Variants in HDAC9 observed in about 807,000 individuals in gnomAD.
HDAC9 encodes the protein MEF-2 interacting transcription repressor (MITR) protein.
A neutral mutation model predicts 139.4 loss-of-function variants in HDAC9; 41 were observed. That is an observed-to-expected ratio of 0.29 (90% confidence interval 0.23 to 0.38). The LOEUF (loss-of-function observed/expected upper bound fraction) is 0.38. Among genes scored for constraint, HDAC9 ranks in the 10% least tolerant of loss-of-function variants. HDAC9 has a pLI of 1.00. For missense variants in HDAC9, 1,147 were observed against 1,297.0 expected (o/e 0.88, Z 1.78); for synonymous variants, 517 against 476.2 (o/e 1.09, Z -1.12).
intron 22 of HDAC9, among the ~76,000 whole-genome samples, chr7:18,921,851 G>A (rs1803765312): frequency 1.3e-5 from 2 of 152,058 alleles, no homozygotes; most frequent in South Asian, 4.1e-4. Flanking sequence ...ATGATAGACT[G>A]GATTAAGAAA....
intron 1 of HDAC9, among the ~76,000 whole-genome samples, chr7:18,478,165 G>T (rs1024570019): frequency 6.6e-6 from 1 of 151,794 alleles, no homozygotes; most frequent in Non-Finnish European, 1.5e-5. Context: ...TCCGCCTCCC[G>T]GGTTCACGCC....
chr7:18,529,194 AT>A lies in HDAC9; in HGVS notation c.22+32871del, dbSNP rs148700894. ...AAAATAACCAGAGAAGAAAAAAAAA[AT>A]CTTTTGAAAAATGGTCAAATGTCAT... is the stretch of plus-strand genomic sequence containing the variant. On this transcript the variant is annotated intron_variant, in intron 2 of 25. Coordinates refer to ENST00000686413, the MANE Select transcript of HDAC9 (RefSeq NM_178425.4). Among the ~76,000 whole-genome samples the A allele has an allele frequency of 9.7e-3, 1,471 of 152,268 alleles. 22 individuals are homozygous for A. Among genetic ancestry groups the A allele is most frequent in the African/African-American group, 0.033 (1,378 of 41,538 alleles).
At chr7:18,158,426 T>C (rs1200715368) in intron 1 of HDAC9, among the ~76,000 whole-genome samples, 1 of 152,168 alleles carries the variant, frequency 6.6e-6, no homozygotes, top group Non-Finnish European at 1.5e-5. Flanking sequence ...ATTACTGAAG[T>C]TGTAATGAGT....
At chr7:18,923,607 G>T (rs1171263862) in intron 22 of HDAC9, among the ~76,000 whole-genome samples, 1 of 151,976 alleles carries the variant, frequency 6.6e-6, no homozygotes, top group East Asian at 1.9e-4. Flanking sequence ...GATACCTTAA[G>T]TGTCTTGAAG....
At chr7:18,184,067 T>G (rs995897478) in intron 2 of HDAC9, among the ~76,000 whole-genome samples, 1 of 152,152 alleles carries the variant, frequency 6.6e-6, no homozygotes, top group African/African-American at 2.4e-5. Context: ...GTTTTTAGAT[T>G]TTGTATTTGT....
At chr7:18,209,822 T>C (rs540262879) in intron 2 of HDAC9, among the ~76,000 whole-genome samples, 1 of 152,126 alleles carries the variant, frequency 6.6e-6, no homozygotes, top group African/African-American at 2.4e-5. Context: ...TCCCTCAGCC[T>C]TCAGAGTAGC....
At chr7:18,807,326 A>T (rs1453148172) in intron 17 of HDAC9, among the ~76,000 whole-genome samples, 1 of 151,986 alleles carries the variant, frequency 6.6e-6, no homozygotes, top group African/African-American at 2.4e-5. Context: ...TTTGAGTCTG[A>T]TATCTTTTTT....
intron 11 of HDAC9, among the ~76,000 whole-genome samples, chr7:18,652,251 C>T (rs1458610291): frequency 3.3e-5 from 5 of 152,080 alleles, no homozygotes; most frequent in Non-Finnish European, 5.9e-5. Context: ...TTTGCCAGTA[C>T]ACCTTGCTTT....
chr7:18,186,382 C>T (rs925307764), intron 2 of HDAC9, among the ~76,000 whole-genome samples: 3 of 152,238 alleles, frequency 2.0e-5, no homozygotes, highest in Non-Finnish European at 2.9e-5. Flanking sequence ...GGAACAGGTG[C>T]ACTGCTGGTG....
In HDAC9 at chr7:19,001,541, G is replaced by C. The variant is rs1786748222; in HGVS notation, c.*5479G>C. ...ATTAACTTAAAATTCAACAGAAATG[G>C]AGTAATTAAAAAAAAAAACAAAAAA... On this transcript the variant is annotated 3_prime_UTR_variant, in exon 26 of 26. Coordinates refer to ENST00000686413, the MANE Select transcript of HDAC9 (RefSeq NM_178425.4). 9.4e-6 allele frequency: 1 copy of C among 106,044 alleles called. No individual in the cohort carries two copies. Among genetic ancestry groups the C allele is most frequent in the African/African-American group, 4.7e-5 (1 of 21,162 alleles). 6.6% of individuals were successfully genotyped at this position (106,044 alleles called of 1,614,324 possible). A position where few individuals can be genotyped will look rare whatever the true frequency, so the allele number is the denominator to read the frequency against.
chr7:18,716,161 A>G (rs946416795), intron 12 of HDAC9, among the ~76,000 whole-genome samples: 6 of 152,286 alleles, frequency 3.9e-5, no homozygotes, highest in African/African-American at 9.6e-5. Context: ...CCAGAGCTCT[A>G]TTGTTCATCC....
At chr7:18,899,559 A>G (rs1041605910) in intron 22 of HDAC9, 2 of 152,040 alleles carry the variant, frequency 1.3e-5, no homozygotes, top group Non-Finnish European at 2.9e-5. Flanking sequence ...ACAGATTTTA[A>G]TCATTTGGTT....
chr7:18,104,250 T>C (rs1783051581), intron 1 of HDAC9, among the ~76,000 whole-genome samples: 1 of 152,224 alleles, frequency 6.6e-6, no homozygotes, highest in African/African-American at 2.4e-5. Context: ...ATTGTATTTT[T>C]TTTTTTGTTT....
At chr7:18,319,336 A>T (rs1393581653) in intron 1 of HDAC9, among the ~76,000 whole-genome samples, 1 of 152,226 alleles carries the variant, frequency 6.6e-6, no homozygotes, top group Non-Finnish European at 1.5e-5. Context: ...CATAAACTAT[A>T]AAGCCAAAAT....
intron 6 of HDAC9, among the ~76,000 whole-genome samples, chr7:18,617,036 C>CTG (rs1562593418): frequency 6.6e-6 from 1 of 152,128 alleles, no homozygotes; most frequent in East Asian, 1.9e-4. Context: ...ATCTCAGAAC[C>CTG]ACACCAGGTG....
At chr7:18,518,001 C>T (rs535255501) in intron 2 of HDAC9, 1 of 152,304 alleles carries the variant, frequency 6.6e-6, no homozygotes, top group African/African-American at 2.4e-5. Context: ...TACAGTTATA[C>T]AGTGTTCACA....
chr7:18,128,217 T>C (rs1012445330), intron 1 of HDAC9, among the ~76,000 whole-genome samples: 5 of 152,074 alleles, frequency 3.3e-5, no homozygotes, highest in Admixed American at 6.6e-5. Context: ...TGGAAACCAC[T>C]GGGTAAATCA....
At chr7:18,907,744 A>T (rs181654546) in intron 22 of HDAC9, among the ~76,000 whole-genome samples, 22 of 151,316 alleles carry the variant, frequency 1.5e-4, no homozygotes, top group Admixed American at 9.3e-4. Context: ...AGAGAGCATG[A>T]GCCATTCTTA....
intron 21 of HDAC9, among the ~76,000 whole-genome samples, chr7:18,851,878 G>C (rs1797325055): frequency 6.6e-6 from 1 of 152,092 alleles, no homozygotes. Flanking sequence ...TGAATATTTA[G>C]ATTCATTAGA....
Sources: gnomAD v4.1 joint callset for allele counts (sites outside exome capture counted in the v4.1 genomes callset) on GRCh38, gnomAD v4.1.1 for gene constraint, MANE v1.5 for transcripts, NCBI Gene and HGNC (gene_info 2026-07-23, HGNC 2026-07-21) for gene names.